GABRR2: variants seen among roughly 807,000 people sequenced by gnomAD.
GABRR2 encodes gamma-aminobutyric acid receptor subunit rho-2.
In GABRR2, 36 loss-of-function variants were observed where a neutral mutation model predicts 47.0. The ratio of observed to expected loss-of-function variants is 0.77; its 90% CI spans 0.59 to 1.01. GABRR2 has a LOEUF of 1.01. GABRR2 is among the 50% of genes least tolerant of loss of function. The pLI is 0.00. For synonymous variants in GABRR2, 204 were observed against 227.5 expected (o/e 0.90, Z 0.93); for missense variants, 587 against 594.6 (o/e 0.99, Z 0.13).
chr6:89,309,357 G>GC (rs578113865), intron 1 of GABRR2, among the ~76,000 whole-genome samples: 1 of 151,742 alleles, frequency 6.6e-6, no homozygotes, highest in African/African-American at 2.4e-5. Flanking sequence ...CTGCCCTCAT[G>GC]CCCCCTCCCC....
At chr6:89,262,094 GC>G (rs1269444197) in intron 8 of GABRR2, among the ~76,000 whole-genome samples, 1 of 151,628 alleles carries the variant, frequency 6.6e-6, no homozygotes, top group Non-Finnish European at 1.5e-5. Context: ...CCAACCCCTG[GC>G]CCCTGTTCCA....
At chr6:89,302,139 GGAA>G in intron 1 of GABRR2, 1 of 594,614 alleles carries the variant, frequency 1.7e-6, no homozygotes, top group South Asian at 1.6e-5. Context: ...CTGGATGTGC[GGAA>G]GAAGTGTGAG....
At chr6:89,309,957 T>TC (rs1037516733) in intron 1 of GABRR2, among the ~76,000 whole-genome samples, 1 of 150,472 alleles carries the variant, frequency 6.6e-6, no homozygotes, top group African/African-American at 2.5e-5. Context: ...CTTTTTTTTT[T>TC]TTTTTTTGTA....
chr6:89,295,090 G>T (rs1426264802), intron 2 of GABRR2, among the ~76,000 whole-genome samples: 1 of 152,050 alleles, frequency 6.6e-6, no homozygotes, highest in African/African-American at 2.4e-5. Context: ...GAATAGCGCT[G>T]CAGTAAACAT....
At chr6:89,265,335 A>C (rs1193117788) in intron 7 of GABRR2, among the ~76,000 whole-genome samples, 1 of 152,190 alleles carries the variant, frequency 6.6e-6, no homozygotes, top group African/African-American at 2.4e-5. Context: ...TTATCTAAAT[A>C]CTGAGCTCTG....
chr6:89,285,922 G>C (rs1354693721), intron 2 of GABRR2, among the ~76,000 whole-genome samples: 3 of 151,756 alleles, frequency 2.0e-5, no homozygotes, highest in Non-Finnish European at 4.4e-5. Flanking sequence ...CCTCCCTCTG[G>C]GGTCTCTGTG....
At chr6:89,264,975 G>A (rs1292166942) in intron 7 of GABRR2, among the ~76,000 whole-genome samples, 1 of 152,128 alleles carries the variant, frequency 6.6e-6, no homozygotes, top group African/African-American at 2.4e-5. Context: ...CTTGAAGTTT[G>A]AGAACGTGCC....
rs1212143065 is a variant in GABRR2 at position 89,256,099 on chromosome 6, T to A, written c.*1571A>T. ...CTAATATTTTTAATTTTTACTAATT[T>A]AAATTTAAATAGACATGTGGCTAGT... On this transcript the variant is annotated 3_prime_UTR_variant, in exon 9 of 9. Transcript: ENST00000402938. 6.7e-6 allele frequency among the ~76,000 whole-genome samples: 1 copy of A among 149,444 alleles called. No homozygotes were observed.
intron 1 of GABRR2, chr6:89,302,152 G>C (rs767733931): frequency 2.6e-5 from 15 of 580,562 alleles, no homozygotes; most frequent in Non-Finnish European, 4.7e-5. Context: ...AGAAGTGTGA[G>C]AACTGCGACG....
In GABRR2 at chr6:89,272,288, A is replaced by C. The variant is rs898358908; in HGVS notation, c.221-566T>G. Among the ~76,000 whole-genome samples, 2 of 152,210 alleles carry C rather than the reference A, an allele frequency of 1.3e-5. 1 individual carries two copies. Among genetic ancestry groups the C allele is most frequent in the Non-Finnish European group, 2.9e-5 (2 of 68,034 alleles). On this transcript the variant is annotated intron_variant, in intron 2 of 8. Coordinates refer to ENST00000402938, the MANE Select transcript of GABRR2 (RefSeq NM_002043.5). ...GTCACATCACAGCAAAGGACAATGA[A>C]ACCTTGTCAGGCCATGTCAGATTAG...
intron 2 of GABRR2, among the ~76,000 whole-genome samples, chr6:89,284,997 G>A (rs1774309585): frequency 6.6e-6 from 1 of 152,202 alleles, no homozygotes; most frequent in Non-Finnish European, 1.5e-5. Context: ...GACTCCCCAG[G>A]CACACAGCCC....
At position 89,298,314 on chromosome 6, in the gene GABRR2, C is replaced by G. The variant is rs940790693; in HGVS notation, c.220+1445G>C. ...ATTTCTTAATCCCTTAACAGTCACACAAGAGGAAGGTCTGGCAGCTGGGTT... is the reference window on the plus strand; with the variant it reads ...ATTTCTTAATCCCTTAACAGTCACAGAAGAGGAAGGTCTGGCAGCTGGGTT... On this transcript the variant is annotated intron_variant, in intron 2 of 8. Coordinates refer to ENST00000402938, the MANE Select transcript of GABRR2 (RefSeq NM_002043.5). Among the ~76,000 whole-genome samples the G allele has an allele frequency of 2.0e-5, 3 of 152,194 alleles. No homozygotes were observed. In the South Asian group the frequency reaches 6.2e-4, roughly 31 times the overall value.
At chr6:89,290,631 C>T (rs1774422362) in intron 2 of GABRR2, among the ~76,000 whole-genome samples, 1 of 152,226 alleles carries the variant, frequency 6.6e-6, no homozygotes, top group Admixed American at 6.5e-5. Flanking sequence ...CAGGGCCCCT[C>T]TTGCCTGGGT....
At position 89,292,343 on chromosome 6, in the gene GABRR2, ATT is replaced by A. The variant is rs1491231880; in HGVS notation, c.220+7414_220+7415del. 3.0e-3 allele frequency among the ~76,000 whole-genome samples: 111 copies of A among 37,304 alleles called. 4 individuals are homozygous for A. The highest frequency in any genetic ancestry group is 7.3e-3 in the African/African-American group (55 of 7,586). 24.5% of individuals were successfully genotyped at this position (37,304 alleles called of 152,430 possible). On this transcript the variant is annotated intron_variant, in intron 2 of 8. Transcript: ENST00000402938. ...CAGCATGGTGGTTTCTCAAAAAAAA[ATT>A]TTATATATATATATATATATATATA...
intron 1 of GABRR2, among the ~76,000 whole-genome samples, chr6:89,300,308 G>T (rs1199716449): frequency 6.6e-6 from 1 of 152,132 alleles, no homozygotes; most frequent in Non-Finnish European, 1.5e-5. Context: ...TCATGAGTTT[G>T]AGACCAGCCT....
At chr6:89,307,222 C>T (rs1767583546) in intron 1 of GABRR2, among the ~76,000 whole-genome samples, 1 of 152,134 alleles carries the variant, frequency 6.6e-6, no homozygotes. Context: ...CCAGGCTGTA[C>T]CCCAGAACAA....
intron 2 of GABRR2, among the ~76,000 whole-genome samples, chr6:89,274,184 A>T (rs542313154): frequency 6.6e-6 from 1 of 152,342 alleles, no homozygotes; most frequent in Non-Finnish European, 1.5e-5. Context: ...AGTGCTCTGG[A>T]GGTATTGCCC....
rs1295457515 is a variant in GABRR2, at chr6:89,256,154, G to A, written c.*1516C>T. Among the ~76,000 whole-genome samples the A allele has an allele frequency of 6.7e-6, 1 of 149,000 alleles. No individual in the cohort carries two copies. Among genetic ancestry groups the A allele is most frequent in the East Asian group, 2.0e-4 (1 of 5,096 alleles). The stretch of plus-strand genomic sequence containing the variant: ...ACCATATGAGACAGCCCAGATCTAG[G>A]ATGCATTCTGCTCCATTTCTTCTTC... On this transcript the variant is annotated 3_prime_UTR_variant, in exon 9 of 9. Transcript: ENST00000402938.
chr6:89,285,745 G>A (rs1416971299), intron 2 of GABRR2, among the ~76,000 whole-genome samples: 1 of 152,138 alleles, frequency 6.6e-6, no homozygotes, highest in Non-Finnish European at 1.5e-5. Context: ...ATGTCCTGGT[G>A]GCCGCTTCCT....
Sources: allele counts gnomAD v4.1 joint callset (sites outside exome capture counted in the v4.1 genomes callset), GRCh38; gene constraint gnomAD v4.1.1; transcripts MANE v1.5; gene names NCBI Gene and HGNC (gene_info 2026-07-23, HGNC 2026-07-21).